GNB1: variants seen among roughly 807,000 people sequenced by gnomAD.
GNB1 encodes G protein subunit beta 1.
A neutral mutation model predicts 42.9 loss-of-function variants in GNB1; 2 were observed. That is an observed-to-expected ratio of 0.05 (90% CI 0.02 to 0.15). The LOEUF (loss-of-function observed/expected upper bound fraction) is 0.15, where lower values mean the gene tolerates loss of function less well. Among genes scored for constraint, GNB1 ranks in the 10% least tolerant of loss-of-function variants. The pLI is 1.00. For synonymous variants in GNB1, 183 were observed against 174.7 expected (o/e 1.05, Z -0.38); for missense variants, 193 against 462.2 (o/e 0.42, Z 5.34).
In GNB1 at chr1:1,842,197, A is replaced by G. The variant is rs371950115; in HGVS notation, c.-95-2959T>C. ...TGTAATCCCAGCACTCTGGGAGGCC[A>G]AGGCGGGCAGATCACAAGGTCAGCA... On this transcript the variant is annotated intron_variant, in intron 1 of 11. Transcript: ENST00000378609. 1.3e-3 allele frequency among the ~76,000 whole-genome samples: 191 copies of G among 152,292 alleles called. 1 individual carries two copies. The highest frequency in any genetic ancestry group is 3.4e-3 in the Middle Eastern group (1 of 294).
chr1:1,806,664 C>G, intron 5 of GNB1, 126 bp from the exon 6 acceptor site: 2 of 562,460 alleles, frequency 3.6e-6, no homozygotes, highest in Non-Finnish European at 6.3e-6. Flanking sequence ...TCAGACAAAG[C>G]CACTTATTTA....
At chr1:1,840,158 G>A (rs1299656065) in intron 1 of GNB1, among the ~76,000 whole-genome samples, 1 of 151,628 alleles carries the variant, frequency 6.6e-6, no homozygotes, top group Non-Finnish European at 1.5e-5. Context: ...AACCCAGAAG[G>A]TGGAGGTTGT....
intron 3 of GNB1, 69 bp downstream of exon 3, chr1:1,825,328 T>C: frequency 9.2e-7 from 1 of 1,085,506 alleles, no homozygotes; most frequent in Non-Finnish European, 1.4e-6. Flanking sequence ...AAACCATTTT[T>C]CCTAAAACAA....
chr1:1,864,389 T>C (rs938563411), intron 1 of GNB1, among the ~76,000 whole-genome samples: 6 of 147,086 alleles, frequency 4.1e-5, no homozygotes, highest in African/African-American at 1.5e-4. Flanking sequence ...CAGAAAGAGA[T>C]GGCTGTAGCG....
chr1:1,803,996 AAAAAAAAG>A (rs1355977862), intron 7 of GNB1, among the ~76,000 whole-genome samples: 36 of 119,688 alleles, frequency 3.0e-4, no homozygotes, highest in Non-Finnish European at 5.8e-4. Context: ...AAAAAAAAAA[AAAAAAAAG>A]AAAAAAAGGC....
chr1:1,849,433 G>T (rs905101419), intron 1 of GNB1, among the ~76,000 whole-genome samples: 1 of 152,128 alleles, frequency 6.6e-6, no homozygotes, highest in African/African-American at 2.4e-5. Flanking sequence ...GTGGGACTAG[G>T]TCTCATTCTA....
chr1:1,856,778 A>C (rs1437095696), intron 1 of GNB1, among the ~76,000 whole-genome samples: 3 of 152,198 alleles, frequency 2.0e-5, no homozygotes, highest in Non-Finnish European at 4.4e-5. Context: ...CTAATGTAGC[A>C]ATTAACAGTT....
intron 1 of GNB1, among the ~76,000 whole-genome samples, chr1:1,875,215 A>G (rs968422574): frequency 6.6e-6 from 1 of 151,374 alleles, no homozygotes; most frequent in African/African-American, 2.4e-5. Flanking sequence ...TTTTGGAGAC[A>G]AAGTCTTGCT....
intron 1 of GNB1, among the ~76,000 whole-genome samples, chr1:1,860,560 C>T (rs1648564843): frequency 6.6e-6 from 1 of 151,342 alleles, no homozygotes; most frequent in African/African-American, 2.4e-5. Flanking sequence ...CGGTGTCAAC[C>T]TTGGAGGCGG....
chr1:1,828,867 C>T (rs1339019381), intron 2 of GNB1, among the ~76,000 whole-genome samples: 1 of 149,602 alleles, frequency 6.7e-6, no homozygotes, highest in African/African-American at 2.5e-5. Context: ...TATGGCAAAA[C>T]GCTGTGTACA....
At chr1:1,850,276 A>G (rs954133243) in intron 1 of GNB1, among the ~76,000 whole-genome samples, 1 of 151,962 alleles carries the variant, frequency 6.6e-6, no homozygotes, top group East Asian at 1.9e-4. Context: ...GATTCCAGGC[A>G]TGTGCCATCA....
rs115234004 is a variant in GNB1 at position 1,838,739 on chromosome 1, C to A, written c.-47+451G>T. 8.2e-3 allele frequency among the ~76,000 whole-genome samples: 1,253 copies of A among 152,136 alleles called. 21 individuals are homozygous for A. Among genetic ancestry groups the A allele is most frequent in the African/African-American group, 0.029 (1,216 of 41,528 alleles). ...GATTACAGGCATCAGCCACCGCACC[C>A]GGCCATATATTGGTATTTCAACTAA... On this transcript the variant is annotated intron_variant, in intron 2 of 11. Coordinates refer to ENST00000378609, the MANE Select transcript of GNB1 (RefSeq NM_002074.5).
intron 3 of GNB1, chr1:1,825,189 TAAC>T: frequency 1.8e-6 from 1 of 550,680 alleles, no homozygotes; most frequent in Admixed American, 3.0e-5. Context: ...TATATTCAAA[TAAC>T]AAATTGTATA....
intron 7 of GNB1, among the ~76,000 whole-genome samples, chr1:1,803,982 TAAAAAAAAAAAA>T (rs1491398910): frequency 4.1e-5 from 1 of 24,680 alleles, no homozygotes; most frequent in South Asian, 1.0e-3. Context: ...ACTCTGTCTT[TAAAAAAAAAAAA>T]AAAAAAAAAG....
intron 3 of GNB1, among the ~76,000 whole-genome samples, chr1:1,821,160 G>A (rs1262922653): frequency 6.6e-6 from 1 of 152,190 alleles, no homozygotes; most frequent in Non-Finnish European, 1.5e-5. Context: ...CCTGGGCCCT[G>A]CTCAGCATGG....
At position 1,787,858 on chromosome 1, in the gene GNB1, C is replaced by A; in HGVS notation, c.917-421G>T. ...CAGCCTGGCCAATATGGTGAAACCCCATTTCTACTAAAAATACAAAAACCA... is the reference window on the plus strand; with the variant it reads ...CAGCCTGGCCAATATGGTGAAACCCAATTTCTACTAAAAATACAAAAACCA... On this transcript the variant is annotated intron_variant, in intron 10 of 11. Coordinates refer to ENST00000378609, the MANE Select transcript of GNB1 (RefSeq NM_002074.5). The surrounding 1 kb of genome is among the most constrained non-coding windows in gnomAD (Gnocchi z 4.4). 1 of 153,182 alleles carries A rather than the reference C, an allele frequency of 6.5e-6. No homozygotes were observed. The highest frequency in any genetic ancestry group is 1.5e-5 in the Non-Finnish European group (1 of 68,660). 9.5% of individuals were successfully genotyped at this position (153,182 alleles called of 1,614,324 possible).
Position 1,786,401 on chromosome 1 carries a change from T to G in GNB1, c.*662A>C, listed in dbSNP as rs1410892238. The G allele has an allele frequency of 4.0e-6, 1 of 247,628 alleles. No homozygotes were observed. The highest frequency in any genetic ancestry group is 5.6e-5 in the Admixed American group (1 of 17,968). 15.3% of individuals were successfully genotyped at this position (247,628 alleles called of 1,614,324 possible). ...CCGTCCCCGCATGTGCTTGGCCCCA[T>G]GGCTTCTGAACATGTTCTTTTCTAT... On this transcript the variant is annotated 3_prime_UTR_variant, in exon 12 of 12. Transcript: ENST00000378609.
intron 1 of GNB1, among the ~76,000 whole-genome samples, chr1:1,850,856 T>C (rs973585268): frequency 6.6e-6 from 1 of 152,224 alleles, no homozygotes; most frequent in African/African-American, 2.4e-5. Context: ...CCTCTTTGTC[T>C]GAGCCACTAC....
At chr1:1,854,169 G>A (rs1648141457) in intron 1 of GNB1, among the ~76,000 whole-genome samples, 1 of 152,168 alleles carries the variant, frequency 6.6e-6, no homozygotes, top group South Asian at 2.1e-4. Flanking sequence ...CATTGCTAAG[G>A]AAACATAAAA....
Sources: allele counts gnomAD v4.1 joint callset (sites outside exome capture counted in the v4.1 genomes callset), GRCh38; gene constraint gnomAD v4.1.1; non-coding constraint Gnocchi (gnomAD v3.1); transcripts MANE v1.5; gene names NCBI Gene and HGNC (gene_info 2026-07-23, HGNC 2026-07-21).